The following TIAM2 variants were observed in gnomAD, a reference collection of about 807,000 sequenced individuals.
The protein encoded by TIAM2 is rho guanine nucleotide exchange factor TIAM2.
TIAM2 carries 80 observed loss-of-function variants against 152.9 expected under a neutral mutation model. The ratio of observed to expected loss-of-function variants is 0.52; its 90% CI spans 0.44 to 0.63. The LOEUF is 0.63. Ranked by LOEUF, TIAM2 falls within the 30% of genes least tolerant of loss-of-function variation. TIAM2 has a pLI of 0.00. For missense variants in TIAM2, 1,965 were observed against 2,120.1 expected (o/e 0.93, Z 1.44); for synonymous variants, 804 against 838.0 (o/e 0.96, Z 0.70).
chr6:155,042,995 C>T (rs941954106), intron 1 of TIAM2, among the ~76,000 whole-genome samples: 2 of 152,140 alleles, frequency 1.3e-5, no homozygotes, highest in African/African-American at 2.4e-5. Flanking sequence ...TGTGTGAGCA[C>T]CTGCTGAGTG....
rs375584701 is a variant in TIAM2, at chr6:155,211,328, G to A, written c.3168+21G>A. ...TCAGGGTAAGATACTGGCCCAAATC[G>A]CAAACCAAGAACCAGGCAGGCGAGT... On this transcript the variant is annotated intron_variant, in intron 15 of 26. Transcript: ENST00000682666. The A allele has an allele frequency of 1.9e-5, 30 of 1,603,270 alleles. No homozygotes were observed. The East Asian group carries it at 4.0e-4, about 22-fold the overall frequency.
rs866775944 is a variant in TIAM2, at chr6:155,249,792, T to C, written c.3833-59T>C. The C allele has an allele frequency of 5.7e-5, 82 of 1,426,818 alleles. No homozygotes were observed. The Middle Eastern group carries it at 5.4e-3, about 93-fold the overall frequency. 88.4% of individuals were successfully genotyped at this position (1,426,818 alleles called of 1,614,324 possible). On this transcript the variant is annotated intron_variant, in intron 20 of 26. Transcript: ENST00000682666. ...ATCTTGACTCCATTCATTATTACTG[T>C]TGGATAGAATCTAAAACAAATAACA...
At chr6:154,999,594 TG>T (rs1377548620) in intron 1 of TIAM2, among the ~76,000 whole-genome samples, 2 of 152,238 alleles carry the variant, frequency 1.3e-5, no homozygotes, top group Admixed American at 6.5e-5. Context: ...GCTCAGGATT[TG>T]GAATCACTAA....
chr6:155,021,893 G>A (rs1776503272), intron 1 of TIAM2, among the ~76,000 whole-genome samples: 2 of 152,148 alleles, frequency 1.3e-5, no homozygotes, highest in Admixed American at 6.5e-5. Flanking sequence ...AGTGCTGTTT[G>A]AGGTGCAGGA....
intron 14 of TIAM2, among the ~76,000 whole-genome samples, chr6:155,195,803 G>C (rs1044747070): frequency 2.0e-5 from 3 of 152,228 alleles, no homozygotes; most frequent in African/African-American, 7.2e-5. Context: ...CCGTCAGGGG[G>C]CAAAGCCTTC....
At chr6:155,023,918 T>C (rs1199169468) in intron 1 of TIAM2, among the ~76,000 whole-genome samples, 1 of 151,160 alleles carries the variant, frequency 6.6e-6, no homozygotes, top group African/African-American at 2.4e-5. Flanking sequence ...CAAGACTCTG[T>C]TTTATCATCA....
intron 5 of TIAM2, among the ~76,000 whole-genome samples, chr6:155,139,140 C>T (rs1269261122): frequency 6.6e-6 from 1 of 152,200 alleles, no homozygotes; most frequent in Non-Finnish European, 1.5e-5. Flanking sequence ...GCAGAAACAT[C>T]TGCAAATACT....
intron 1 of TIAM2, among the ~76,000 whole-genome samples, chr6:155,047,686 GAGGAGAGAGAGA>G (rs1470661750): frequency 4.6e-5 from 1 of 21,758 alleles, no homozygotes; most frequent in Non-Finnish European, 1.4e-4. Flanking sequence ...GAGAGAGAGA[GAGGAGAGAGAGA>G]GAGAGAGCGA....
Position 155,214,658 on chromosome 6 carries a change from C to T in TIAM2, c.3168+3351C>T, listed in dbSNP as rs1423477860. Among the ~76,000 whole-genome samples, 1 of 152,146 alleles carries T rather than the reference C, an allele frequency of 6.6e-6. No individual in the cohort carries two copies. Among genetic ancestry groups the T allele is most frequent in the Non-Finnish European group, 1.5e-5 (1 of 68,022 alleles). On this transcript the variant is annotated intron_variant, in intron 15 of 26. Transcript: ENST00000682666. The surrounding 1 kb of genome is among the most constrained non-coding windows in gnomAD (Gnocchi z 5.4). ...CTGAAATTCATCAGCATTTTTAGTC[C>T]TTCTACTTTGTTCTATCTCTAGTGG...
chr6:155,248,280 G>A lies in TIAM2; in HGVS notation c.3832+101G>A, dbSNP rs1272068852. The A allele has an allele frequency of 2.2e-5, 30 of 1,350,186 alleles. No homozygotes were observed. The South Asian group carries it at 3.9e-4, about 18-fold the overall frequency. The allele number at this position is 1,350,186 out of a possible 1,614,324, so 83.6% of individuals were successfully genotyped here. ...ACAGCTCACCTCTTCCCCGCCTAGT[G>A]GCACGTCCTAAGTCACTTTTCAGTT... On this transcript the variant is annotated intron_variant, in intron 20 of 26. Transcript: ENST00000682666.
At chr6:155,184,096 C>G (rs962899037) in intron 14 of TIAM2, among the ~76,000 whole-genome samples, 3 of 152,104 alleles carry the variant, frequency 2.0e-5, no homozygotes, top group African/African-American at 7.2e-5. Context: ...TCAAGAGATT[C>G]TCGTGCCTCA....
At position 155,137,173 on chromosome 6, in the gene TIAM2, A is replaced by G; in HGVS notation, c.1195-4A>G. The G allele has an allele frequency of 6.2e-7, 1 of 1,610,442 alleles. No individual in the cohort carries two copies. Among genetic ancestry groups the G allele is most frequent in the Non-Finnish European group, 8.5e-7 (1 of 1,177,390 alleles). ...TGATGGGTGATCATGTGTGTTTCTC[A>G]CAGGAGCCGAGGTCCAAGGAGGGCA... On this transcript the variant is annotated splice_polypyrimidine_tract_variant and splice_region_variant and intron_variant, in intron 4 of 26. Transcript: ENST00000682666.
intron 4 of TIAM2, among the ~76,000 whole-genome samples, chr6:155,135,102 G>A (rs1042606555): frequency 2.0e-5 from 3 of 152,072 alleles, no homozygotes; most frequent in Non-Finnish European, 2.9e-5. Context: ...TGGTTTATTT[G>A]CTCTGTTATG....
chr6:155,149,072 G>C lies in TIAM2; in HGVS notation c.2028+738G>C, dbSNP rs923665452. On this transcript the variant is annotated intron_variant, in intron 7 of 26. Transcript: ENST00000682666. ...GGGACAACGCCAGCCTGGAGTGAGG[G>C]AGCAGGATCTGGGAGGGACAAGTTG... 3.6e-5 allele frequency: 6 copies of C among 167,232 alleles called. No individual in the cohort carries two copies. In the South Asian group the frequency reaches 6.2e-4, roughly 17 times the overall value. 10.4% of individuals were successfully genotyped at this position (167,232 alleles called of 1,614,324 possible). A position where few individuals can be genotyped will look rare whatever the true frequency, so the allele number is the denominator to read the frequency against.
At chr6:155,235,023 C>T (rs1043128140) in intron 15 of TIAM2, among the ~76,000 whole-genome samples, 9 of 146,990 alleles carry the variant, frequency 6.1e-5, no homozygotes, top group African/African-American at 2.0e-4. Context: ...CAGCTAGAGA[C>T]AGAGCACAGC....
chr6:155,148,728 T>A (rs974040961), intron 7 of TIAM2, among the ~76,000 whole-genome samples: 1 of 152,172 alleles, frequency 6.6e-6, no homozygotes, highest in African/African-American at 2.4e-5. Flanking sequence ...AAACGTGGTT[T>A]GGTGTAACAG....
In TIAM2 at chr6:155,229,792, T is replaced by C. The variant is rs144521824; in HGVS notation, c.3169-10738T>C. Among the ~76,000 whole-genome samples the C allele has an allele frequency of 6.6e-4, 101 of 152,290 alleles. 1 individual carries two copies. The highest frequency in any genetic ancestry group is 1.3e-3 in the Non-Finnish European group (88 of 68,014). Reference sequence around the variant, plus strand: ...AGTTTAATGGACTCACAGTTCCACATGACTGGGGAGGCCTCACAATCATGG... The same window carrying C: ...AGTTTAATGGACTCACAGTTCCACACGACTGGGGAGGCCTCACAATCATGG... On this transcript the variant is annotated intron_variant, in intron 15 of 26. Coordinates refer to ENST00000682666, the MANE Select transcript of TIAM2 (RefSeq NM_012454.4).
At chr6:155,010,767 A>G (rs1778474496) in intron 1 of TIAM2, among the ~76,000 whole-genome samples, 1 of 151,708 alleles carries the variant, frequency 6.6e-6, no homozygotes, top group African/African-American at 2.4e-5. Context: ...AATTAAATTT[A>G]GGCCAGGCGC....
In TIAM2 at chr6:155,257,190, CAAAA is replaced by C. The variant is rs11455127; in HGVS notation, c.*87_*90del. 4,021 of 544,038 alleles carry C rather than the reference CAAAA, an allele frequency of 7.4e-3. No homozygotes were observed. The highest frequency in any genetic ancestry group is 0.021 in the East Asian group (533 of 24,806). 33.7% of individuals were successfully genotyped at this position (544,038 alleles called of 1,614,324 possible). A position where few individuals can be genotyped will look rare whatever the true frequency, so the allele number is the denominator to read the frequency against. ...TAAACTGGTGGTAAAGTGGAAATTG[CAAAA>C]AAAAAAAAAAAAAAAAACTGTTCAT... On this transcript the variant is annotated 3_prime_UTR_variant, in exon 27 of 27. Coordinates refer to ENST00000682666, the MANE Select transcript of TIAM2 (RefSeq NM_012454.4).
Sources: allele counts gnomAD v4.1 joint callset (sites outside exome capture counted in the v4.1 genomes callset), GRCh38; gene constraint gnomAD v4.1.1; non-coding constraint Gnocchi (gnomAD v3.1); transcripts MANE v1.5; gene names NCBI Gene and HGNC (gene_info 2026-07-23, HGNC 2026-07-21).